Variants in KY observed in about 807,000 individuals in gnomAD.
KY encodes kyphoscoliosis peptidase.
A neutral mutation model predicts 76.1 loss-of-function variants in KY; 43 were observed. The observed-to-expected ratio is 0.57, with a 90% CI of 0.44 to 0.73. The LOEUF is 0.73. Ranked by LOEUF, KY falls within the 30% of genes least tolerant of loss-of-function variation. KY has a pLI of 0.00. For synonymous variants in KY, 277 were observed against 326.2 expected (o/e 0.85, Z 1.63); for missense variants, 722 against 828.9 (o/e 0.87, Z 1.58).
In KY at chr3:134,625,126, CA is replaced by C. The variant is rs1250392143; in HGVS notation, c.409del (p.Trp137GlyfsTer6). 6.3e-7 allele frequency: 1 copy of C among 1,597,122 alleles called. No homozygotes were observed. The highest frequency in any genetic ancestry group is 1.3e-5 in the African/African-American group (1 of 74,672). On this transcript the variant is annotated frameshift_variant, in exon 6 of 11. Transcript: ENST00000423778. LOFTEE classifies it high-confidence loss of function. The part of the protein sequence containing the change: ...PGGKDAHAYP[W>X]DRSSLKSMSL... ...CATGGATTTCAGGCTAGATCGATCC[CA>C]GGGGTAGGCTGGAAACACAGGGCAC...
At chr3:134,648,076 C>T (rs570816297) in intron 1 of KY, among the ~76,000 whole-genome samples, 2 of 152,242 alleles carry the variant, frequency 1.3e-5, no homozygotes, top group Non-Finnish European at 2.9e-5. Flanking sequence ...AGCTCTCGCT[C>T]TGGCTGCGGC....
chr3:134,612,478 G>T (rs1227114313), intron 8 of KY, among the ~76,000 whole-genome samples: 4 of 152,128 alleles, frequency 2.6e-5, no homozygotes, highest in African/African-American at 4.8e-5. Flanking sequence ...GGCTGAGGGG[G>T]TTGTTCTCAG....
intron 10 of KY, among the ~76,000 whole-genome samples, chr3:134,606,103 T>G (rs1227553461): frequency 1.3e-5 from 2 of 152,078 alleles, no homozygotes; most frequent in Non-Finnish European, 2.9e-5. Flanking sequence ...CTGAACCAGC[T>G]CAGTGGGCAG....
At chr3:134,648,561 C>A (rs906557639) in intron 1 of KY, among the ~76,000 whole-genome samples, 1 of 152,134 alleles carries the variant, frequency 6.6e-6, no homozygotes, top group African/African-American at 2.4e-5. Flanking sequence ...CTTTCAGGCA[C>A]GTTTTGGAGA....
chr3:134,610,347 G>A lies in KY; in HGVS notation c.747C>T (p.Tyr249=), dbSNP rs1246664361. 1 of 1,613,668 alleles carries A rather than the reference G, an allele frequency of 6.2e-7. No homozygotes were observed. Among genetic ancestry groups the A allele is most frequent in the Non-Finnish European group, 8.5e-7 (1 of 1,179,810 alleles). ...AGVQCMTVPG[Y]SKGFGYQTGQ... ...CTGTCTGGTAGCCGAAACCCTTGGA[G>A]TAGCCAGGCACGGTCATACACTGCA... The change falls in exon 9 of 11, where the codon TAC becomes TAT. Residue 249 remains tyrosine, a synonymous_variant. Coordinates refer to ENST00000423778, the MANE Select transcript of KY (RefSeq NM_178554.6).
Position 134,604,371 on chromosome 3 carries a change from A to G in KY, c.1194T>C (p.Asn398=), listed in dbSNP as rs1464213870. ...GAGGGTACACCTCCAACTTCATCCC[A>G]TTCTTCCTTAGGCTCAGCAGCCCAT... is the stretch of plus-strand genomic sequence containing the variant. ...QEHGLLSLRK[N]GMKLEVYPPT... is the part of the protein sequence containing the mutation. The change falls in exon 11 of 11, where the codon AAT becomes AAC. Residue 398 remains asparagine, a synonymous_variant. Coordinates refer to ENST00000423778, the MANE Select transcript of KY (RefSeq NM_178554.6). 6.2e-7 allele frequency: 1 copy of G among 1,613,946 alleles called. No homozygotes were observed. Among genetic ancestry groups the G allele is most frequent in the South Asian group, 1.1e-5 (1 of 91,074 alleles).
chr3:134,609,126 G>A (rs1427264769), intron 9 of KY, among the ~76,000 whole-genome samples: 1 of 152,204 alleles, frequency 6.6e-6, no homozygotes, highest in Non-Finnish European at 1.5e-5. Context: ...AAGACAATCA[G>A]AAGTTCAAAG....
At chr3:134,620,576 A>G (rs567037923) in intron 7 of KY, among the ~76,000 whole-genome samples, 173 bp downstream of exon 7, 1 of 152,170 alleles carries the variant, frequency 6.6e-6, no homozygotes, top group Admixed American at 6.5e-5. Context: ...CTCATAGCAC[A>G]TGGTGAATTT....
intron 2 of KY, among the ~76,000 whole-genome samples, chr3:134,643,892 T>A (rs1317076339): frequency 6.6e-6 from 1 of 150,976 alleles, no homozygotes; most frequent in African/African-American, 2.4e-5. Context: ...AGTGGCGCGA[T>A]CTCTGCTCAC....
At chr3:134,620,260 C>T (rs77869358) in intron 7 of KY, among the ~76,000 whole-genome samples, 18 of 152,286 alleles carry the variant, frequency 1.2e-4, no homozygotes, top group East Asian at 3.9e-4. Context: ...TTGGAGACTG[C>T]GCTGGGACCA....
intron 3 of KY, chr3:134,641,221 C>G (rs1016095335): frequency 6.6e-6 from 1 of 152,196 alleles, no homozygotes; most frequent in Non-Finnish European, 1.5e-5. Context: ...TTAAATTGTC[C>G]CCTGGGATAG....
In KY at chr3:134,602,831, T is replaced by A; in HGVS notation, c.*748A>T. On this transcript the variant is annotated 3_prime_UTR_variant, in exon 11 of 11. Coordinates refer to ENST00000423778, the MANE Select transcript of KY (RefSeq NM_178554.6). ...GCTGCAGCTCTGCCGACAGTGTCCC[T>A]CCCACCTGCACAGCCACAGCGGGCA... 6.6e-6 allele frequency among the ~76,000 whole-genome samples: 1 copy of A among 152,204 alleles called. No individual in the cohort carries two copies. Among genetic ancestry groups the A allele is most frequent in the Non-Finnish European group, 1.5e-5 (1 of 68,024 alleles).
intron 8 of KY, among the ~76,000 whole-genome samples, chr3:134,612,796 T>TG (rs1553807340): frequency 4.0e-5 from 6 of 148,980 alleles, no homozygotes; most frequent in Non-Finnish European, 7.5e-5. Context: ...TGTGTGTGTG[T>TG]TGCCTGCATG....
intron 8 of KY, among the ~76,000 whole-genome samples, chr3:134,616,600 G>T (rs1268799439): frequency 6.6e-6 from 1 of 152,192 alleles, no homozygotes; most frequent in Non-Finnish European, 1.5e-5. Flanking sequence ...GAGGAATTTT[G>T]CACATGGTAA....
chr3:134,617,469 C>T (rs1961763250), intron 8 of KY, among the ~76,000 whole-genome samples: 2 of 152,200 alleles, frequency 1.3e-5, no homozygotes, highest in African/African-American at 2.4e-5. Flanking sequence ...CAAATATAGA[C>T]GTATACAATC....
intron 8 of KY, among the ~76,000 whole-genome samples, chr3:134,615,752 A>C (rs1256267005): frequency 6.6e-6 from 1 of 152,222 alleles, no homozygotes; most frequent in African/African-American, 2.4e-5. Flanking sequence ...ATGAATCTGC[A>C]TCTCCCAGAA....
intron 8 of KY, 63 bp from the exon 9 acceptor site, chr3:134,610,446 A>G (rs1960171186): frequency 1.0e-5 from 15 of 1,448,720 alleles, no homozygotes; most frequent in Middle Eastern, 1.8e-4. Flanking sequence ...AAGTCTGTCC[A>G]TGGTCTCAGG....
At chr3:134,648,345 T>G (rs1042470196) in intron 1 of KY, among the ~76,000 whole-genome samples, 3 of 152,286 alleles carry the variant, frequency 2.0e-5, no homozygotes, top group African/African-American at 7.2e-5. Context: ...CCTTCTTTTC[T>G]GCAGAGCCCC....
chr3:134,636,088 A>G (rs1964929274), intron 3 of KY, among the ~76,000 whole-genome samples: 1 of 152,252 alleles, frequency 6.6e-6, no homozygotes, highest in African/African-American at 2.4e-5. Context: ...GAACACTCAG[A>G]TACATACATC....
Sources: allele counts gnomAD v4.1 joint callset (sites outside exome capture counted in the v4.1 genomes callset), GRCh38; gene constraint gnomAD v4.1.1; transcripts MANE v1.5; gene names NCBI Gene and HGNC (gene_info 2026-07-23, HGNC 2026-07-21).